WWOX: variants seen among roughly 807,000 people sequenced by gnomAD.
The protein encoded by WWOX is WW domain-containing oxidoreductase.
WWOX carries 69 observed loss-of-function variants against 46.2 expected under a neutral mutation model. That is an observed-to-expected ratio of 1.49 (90% CI 1.23 to 1.82). The LOEUF (loss-of-function observed/expected upper bound fraction) is 1.82, where lower values mean the gene tolerates loss of function less well. Ranked by LOEUF, WWOX falls within the 40% of genes most tolerant of loss-of-function variation. The probability of loss-of-function intolerance (pLI) is 0.00; values close to 1 mark genes in which losing one functional copy is unlikely to be tolerated. For synonymous variants in WWOX, 359 were observed against 202.6 expected (o/e 1.77, Z -6.56); for missense variants, 919 against 542.6 (o/e 1.69, Z -6.89).
intron 1 of WWOX, 73 bp from the exon 2 acceptor site, chr16:78,108,350 A>G: frequency 6.7e-7 from 1 of 1,495,692 alleles, no homozygotes; most frequent in Non-Finnish European, 9.2e-7. Flanking sequence ...GAGAGAAAAA[A>G]TTTAATACAA....
chr16:78,996,129 G>A, intron 8 of WWOX: 1 of 890,374 alleles, frequency 1.1e-6, no homozygotes, highest in Non-Finnish European at 1.3e-6. Flanking sequence ...GTCAGCTCAG[G>A]CGTAGAATGT....
chr16:78,648,619 G>C (rs2046898074), intron 8 of WWOX, among the ~76,000 whole-genome samples: 1 of 152,178 alleles, frequency 6.6e-6, no homozygotes, highest in Non-Finnish European at 1.5e-5. Flanking sequence ...ACCAACCAGA[G>C]AAAGCCACAT....
chr16:78,504,091 T>C (rs912118681), intron 8 of WWOX, among the ~76,000 whole-genome samples: 1 of 152,190 alleles, frequency 6.6e-6, no homozygotes, highest in African/African-American at 2.4e-5. Flanking sequence ...TCTTTTATGA[T>C]TAATTCTCCT....
intron 8 of WWOX, among the ~76,000 whole-genome samples, chr16:78,998,364 C>T (rs192371026): frequency 5.3e-5 from 8 of 152,144 alleles, no homozygotes; most frequent in African/African-American, 1.9e-4. Flanking sequence ...GGTTTTCACG[C>T]TTTGTACTCG....
At chr16:78,689,020 A>G (rs1400541632) in intron 8 of WWOX, among the ~76,000 whole-genome samples, 1 of 152,168 alleles carries the variant, frequency 6.6e-6, no homozygotes, top group East Asian at 1.9e-4. Flanking sequence ...CTCCACAGCC[A>G]TGCCAAATTG....
intron 8 of WWOX, among the ~76,000 whole-genome samples, chr16:78,965,125 G>C (rs1317309070): frequency 6.6e-6 from 1 of 152,232 alleles, no homozygotes; most frequent in African/African-American, 2.4e-5. Flanking sequence ...TCCAGGCAGA[G>C]TCCATACTGG....
Position 78,804,242 on chromosome 16 carries a change from C to G in WWOX, c.1056+371490C>G, listed in dbSNP as rs76726009. Among the ~76,000 whole-genome samples the G allele has an allele frequency of 2.6e-3, 402 of 152,248 alleles. 1 individual carries two copies. Among genetic ancestry groups the G allele is most frequent in the Middle Eastern group, 0.01 (3 of 294 alleles). ...TTCCCCTGAACACAGTGCGCCCTCA[C>G]TAATAAATTCTGAGGGCTGACACTG... On this transcript the variant is annotated intron_variant, in intron 8 of 8. Coordinates refer to ENST00000566780, the MANE Select transcript of WWOX (RefSeq NM_016373.4).
chr16:78,875,319 C>T (rs1017903378), intron 8 of WWOX, among the ~76,000 whole-genome samples: 3 of 152,064 alleles, frequency 2.0e-5, no homozygotes, highest in African/African-American at 7.2e-5. Context: ...ATCTCAGTGG[C>T]AGCCATCTTG....
intron 8 of WWOX, among the ~76,000 whole-genome samples, chr16:78,903,462 T>C (rs1011585304): frequency 5.3e-5 from 8 of 152,188 alleles, no homozygotes; most frequent in Non-Finnish European, 1.2e-4. Flanking sequence ...TACACTCCTA[T>C]GCAAACGTCT....
chr16:78,438,228 A>C (rs942462516), intron 8 of WWOX, among the ~76,000 whole-genome samples: 2 of 152,174 alleles, frequency 1.3e-5, no homozygotes, highest in African/African-American at 4.8e-5. Context: ...CAATCTTAGA[A>C]TTATTATCTT....
At chr16:78,494,344 C>T (rs1010838210) in intron 8 of WWOX, among the ~76,000 whole-genome samples, 2 of 152,092 alleles carry the variant, frequency 1.3e-5, no homozygotes, top group African/African-American at 2.4e-5. Context: ...CAACCTGAGA[C>T]GTGGGTGGGG....
chr16:78,716,842 C>G (rs571042575), intron 8 of WWOX, among the ~76,000 whole-genome samples: 1 of 152,194 alleles, frequency 6.6e-6, no homozygotes, highest in African/African-American at 2.4e-5. Context: ...TACGCAACCA[C>G]AGCTGTGTGC....
chr16:79,130,031 G>T (rs1393389642), intron 8 of WWOX, among the ~76,000 whole-genome samples: 1 of 152,310 alleles, frequency 6.6e-6, no homozygotes, highest in Non-Finnish European at 1.5e-5. Flanking sequence ...CTCCTTGTTA[G>T]CAGTTTTCAT....
chr16:78,333,491 T>A (rs1417595763), intron 5 of WWOX, among the ~76,000 whole-genome samples: 10 of 152,190 alleles, frequency 6.6e-5, no homozygotes, highest in Non-Finnish European at 1.5e-5. Flanking sequence ...TGGTAAAAAA[T>A]ATTTTGACAG....
chr16:78,600,672 G>T (rs966445532), intron 8 of WWOX, among the ~76,000 whole-genome samples: 8 of 152,252 alleles, frequency 5.3e-5, no homozygotes, highest in Middle Eastern at 3.4e-3. Context: ...GGAAACCCTG[G>T]TAGCTGATGA....
At chr16:79,187,304 T>C (rs2051035935) in intron 8 of WWOX, among the ~76,000 whole-genome samples, 2 of 152,172 alleles carry the variant, frequency 1.3e-5, no homozygotes, top group South Asian at 4.1e-4. Flanking sequence ...AGAAAGAATA[T>C]CGTGGTGCCC....
intron 8 of WWOX, among the ~76,000 whole-genome samples, chr16:78,727,050 A>T (rs867311848): frequency 2.0e-4 from 30 of 152,200 alleles, no homozygotes; most frequent in African/African-American, 7.0e-4. Context: ...AGCACGTGGC[A>T]TCGCCAGTCC....
At chr16:78,361,398 A>G (rs565001571) in intron 5 of WWOX, among the ~76,000 whole-genome samples, 5 of 152,166 alleles carry the variant, frequency 3.3e-5, no homozygotes, top group Admixed American at 6.5e-5. Context: ...TTTGAAATTC[A>G]TAATTATTTG....
chr16:78,875,406 C>T (rs2044215466), intron 8 of WWOX, among the ~76,000 whole-genome samples: 1 of 152,142 alleles, frequency 6.6e-6, no homozygotes, highest in African/African-American at 2.4e-5. Flanking sequence ...ATTAGTATTT[C>T]TCTAATTCTC....
Sources: gnomAD v4.1 joint callset for allele counts (sites outside exome capture counted in the v4.1 genomes callset) on GRCh38, gnomAD v4.1.1 for gene constraint, MANE v1.5 for transcripts, NCBI Gene and HGNC (gene_info 2026-07-23, HGNC 2026-07-21) for gene names.